ZC3H18: variants seen among roughly 807,000 people sequenced by gnomAD.
ZC3H18 encodes zinc finger CCCH-type containing 18.
A neutral mutation model predicts 106.1 loss-of-function variants in ZC3H18; 8 were observed. That is an observed-to-expected ratio of 0.08 (90% CI 0.04 to 0.14). ZC3H18 has a LOEUF of 0.14. ZC3H18 is among the 10% of genes least tolerant of loss of function. ZC3H18 has a pLI of 1.00. For synonymous variants in ZC3H18, 635 were observed against 522.1 expected, an observed-to-expected ratio of 1.22 and a Z score of -2.95; for missense variants, 1,318 against 1,278.4, an observed-to-expected ratio of 1.03 and a Z score of -0.47.
intron 6 of ZC3H18, among the ~76,000 whole-genome samples, chr16:88,603,122 G>T (rs1477014255): frequency 5.3e-5 from 8 of 151,682 alleles, no homozygotes; most frequent in Non-Finnish European, 8.8e-5. Context: ...CCGCCACCAC[G>T]CTCAGCCAAT....
rs553982471 is a variant in ZC3H18 at position 88,604,056 on chromosome 16, C to A, written c.1088+4108C>A. ...TTCAGGTACCATCTGACTTATAAAACCTCACATATTGGCTGGATACAGTAG... is the reference window on the plus strand; with the variant it reads ...TTCAGGTACCATCTGACTTATAAAAACTCACATATTGGCTGGATACAGTAG... On this transcript the variant is annotated intron_variant, in intron 6 of 17. Coordinates refer to ENST00000301011, the MANE Select transcript of ZC3H18 (RefSeq NM_144604.4). Among the ~76,000 whole-genome samples, 3 of 152,256 alleles carry A rather than the reference C, an allele frequency of 2.0e-5. No homozygotes were observed. The South Asian group carries it at 6.2e-4, about 32-fold the overall frequency.
Position 88,627,582 on chromosome 16 carries a change from A to C in ZC3H18, c.2109-40A>C, listed in dbSNP as rs760414623. On this transcript the variant is annotated intron_variant, in intron 13 of 17. Coordinates refer to ENST00000301011, the MANE Select transcript of ZC3H18 (RefSeq NM_144604.4). This position sits in a 1 kb window ranked among gnomAD's most constrained non-coding sequence, Gnocchi z 4.5. ...GCACCCCCTGCTGGCCCCTCCCTCCAGTCTGGCTGGGGTGTGGTGAGATGT... is the reference window on the plus strand; with the variant it reads ...GCACCCCCTGCTGGCCCCTCCCTCCCGTCTGGCTGGGGTGTGGTGAGATGT... 6.4e-7 allele frequency: 1 copy of C among 1,566,236 alleles called. No homozygotes were observed. The highest frequency in any genetic ancestry group is 1.4e-5 in the African/African-American group (1 of 73,820).
chr16:88,630,749 A>ACC lies in ZC3H18; in HGVS notation c.2663+173_2663+174dup, dbSNP rs1277102238. Among the ~76,000 whole-genome samples, 89 of 43,212 alleles carry ACC rather than the reference A, an allele frequency of 2.1e-3. 2 individuals carry two copies. The highest frequency in any genetic ancestry group is 5.7e-3 in the African/African-American group (73 of 12,854). The allele number at this position is 43,212 out of a possible 152,430, so 28.3% of individuals were successfully genotyped here. A position where few individuals can be genotyped will look rare whatever the true frequency, so the allele number is the denominator to read the frequency against. On this transcript the variant is annotated intron_variant, in intron 17 of 17. Transcript: ENST00000301011. ...GGCATGGACAGCGAATTGCAGCCCC[A>ACC]CCCCCCACCCCCCCCCACACACACA...
chr16:88,630,946 C>T (rs1179200768), intron 17 of ZC3H18, among the ~76,000 whole-genome samples, 155 bp from the exon 18 acceptor site: 1 of 152,242 alleles, frequency 6.6e-6, no homozygotes, highest in Non-Finnish European at 1.5e-5. Flanking sequence ...AGGACCAGGC[C>T]TGCTTGTGGC....
intron 6 of ZC3H18, among the ~76,000 whole-genome samples, chr16:88,606,578 A>T (rs575834864): frequency 6.6e-6 from 1 of 152,316 alleles, no homozygotes; most frequent in East Asian, 1.9e-4. Flanking sequence ...GCCTCAGCCC[A>T]CCGAGTAGTT....
chr16:88,631,536 G>A lies in ZC3H18; in HGVS notation c.*237G>A, dbSNP rs866504822. On this transcript the variant is annotated 3_prime_UTR_variant, in exon 18 of 18. Coordinates refer to ENST00000301011, the MANE Select transcript of ZC3H18 (RefSeq NM_144604.4). ...CAGACACAGACAGCGCTAGTGACCA[G>A]CACGGTTCTCATGTAAATTACAAGC... The A allele has an allele frequency of 7.1e-5, 45 of 632,892 alleles. No homozygotes were observed. The Middle Eastern group carries it at 3.2e-3, about 45-fold the overall frequency. The allele number at this position is 632,892 out of a possible 1,614,324, so 39.2% of individuals were successfully genotyped here.
chr16:88,629,764 G>T (rs1188036369), intron 16 of ZC3H18, among the ~76,000 whole-genome samples: 1 of 152,230 alleles, frequency 6.6e-6, no homozygotes, highest in Non-Finnish European at 1.5e-5. Flanking sequence ...CAGGGAGATT[G>T]TCCTGGCTGG....
At position 88,586,475 on chromosome 16, in the gene ZC3H18, C is replaced by T. The variant is rs143855120; in HGVS notation, c.604-125C>T. On this transcript the variant is annotated intron_variant, in intron 2 of 17. Transcript: ENST00000301011. ...TGGGACCTAAGATTTGGAAAATTGA[C>T]GTGAATTCAATTCCTGTGACAATAT... The T allele has an allele frequency of 1.9e-4, 150 of 791,860 alleles. 1 individual carries two copies. In the African/African-American group the frequency reaches 2.1e-3, roughly 11 times the overall value. The allele number at this position is 791,860 out of a possible 1,614,324, so 49.1% of individuals were successfully genotyped here.
intron 8 of ZC3H18, among the ~76,000 whole-genome samples, chr16:88,612,499 A>AT (rs1385693846): frequency 7.4e-5 from 11 of 147,992 alleles, no homozygotes; most frequent in African/African-American, 2.5e-4. Flanking sequence ...CTCCATCTCT[A>AT]TTTAAAAAAA....
At chr16:88,620,817 G>A (rs1011210898) in intron 8 of ZC3H18, among the ~76,000 whole-genome samples, 2 of 152,030 alleles carry the variant, frequency 1.3e-5, no homozygotes, top group African/African-American at 4.8e-5. Context: ...TAAAAAGTCA[G>A]ATAAAGATTT....
At chr16:88,610,751 C>CTGCTCTGCTCCAGAGGCAGGGCATG (rs1471604209) in intron 7 of ZC3H18, among the ~76,000 whole-genome samples, 2 of 152,270 alleles carry the variant, frequency 1.3e-5, no homozygotes, top group Non-Finnish European at 2.9e-5. Flanking sequence ...TTTTGGGTGC[C>CTGCTCTGCTCCAGAGGCAGGGCATG]TGCTCTGCTC....
intron 1 of ZC3H18, among the ~76,000 whole-genome samples, chr16:88,575,168 A>C (rs1022390428): frequency 3.8e-4 from 20 of 53,118 alleles, no homozygotes; most frequent in Middle Eastern, 0.011. Context: ...CATTAACAGC[A>C]AAAAAAAAAA....
intron 9 of ZC3H18, chr16:88,622,909 C>T: frequency 2.5e-6 from 1 of 400,622 alleles, no homozygotes; most frequent in Non-Finnish European, 4.6e-6. Flanking sequence ...AACAGATAGA[C>T]ACACACACGG....
intron 8 of ZC3H18, among the ~76,000 whole-genome samples, chr16:88,617,300 G>A (rs145741159): frequency 5.3e-5 from 8 of 152,236 alleles, no homozygotes; most frequent in Admixed American, 3.3e-4. Context: ...CTGGACCTGC[G>A]GCTGGAGACG....
intron 2 of ZC3H18, among the ~76,000 whole-genome samples, chr16:88,578,026 G>T (rs1425130775): frequency 1.3e-5 from 2 of 152,182 alleles, no homozygotes; most frequent in African/African-American, 4.8e-5. Flanking sequence ...GTGTTTTTAG[G>T]TTCTAGGAAT....
intron 12 of ZC3H18, 46 bp downstream of exon 12, chr16:88,624,791 G>A (rs757003557): frequency 1.9e-6 from 3 of 1,561,760 alleles, no homozygotes; most frequent in African/African-American, 1.4e-5. Context: ...CGTGTTCTTG[G>A]TGCCACTGTG....
rs79410043 is a variant in ZC3H18, at chr16:88,615,633, G to A, written c.1475+4097G>A. Among the ~76,000 whole-genome samples the A allele has an allele frequency of 3.6e-3, 548 of 152,258 alleles. 3 individuals are homozygous for A. Among genetic ancestry groups the A allele is most frequent in the African/African-American group, 0.012 (493 of 41,546 alleles). ...AGATTCACAAAATAGGGGTTTTCACGCCACCCAGATCATTGGTTTTAGAAG... is the reference window on the plus strand; with the variant it reads ...AGATTCACAAAATAGGGGTTTTCACACCACCCAGATCATTGGTTTTAGAAG... On this transcript the variant is annotated intron_variant, in intron 8 of 17. Coordinates refer to ENST00000301011, the MANE Select transcript of ZC3H18 (RefSeq NM_144604.4).
chr16:88,613,666 CT>C (rs1173971517), intron 8 of ZC3H18, among the ~76,000 whole-genome samples: 4 of 152,176 alleles, frequency 2.6e-5, no homozygotes, highest in African/African-American at 9.7e-5. Context: ...TATTCAGATC[CT>C]TTGCTCATTT....
intron 11 of ZC3H18, 97 bp downstream of exon 11, chr16:88,624,159 A>C: frequency 6.6e-7 from 1 of 1,524,646 alleles, no homozygotes; most frequent in Non-Finnish European, 8.9e-7. Flanking sequence ...GTTTGGGACC[A>C]AAGAGGTGAG....
Sources: gnomAD v4.1 joint callset for allele counts (sites outside exome capture counted in the v4.1 genomes callset) on GRCh38, gnomAD v4.1.1 for gene constraint, Gnocchi (gnomAD v3.1) non-coding constraint, MANE v1.5 for transcripts, NCBI Gene and HGNC (gene_info 2026-07-23, HGNC 2026-07-21) for gene names.